The following TMEM45B variants were observed in gnomAD, a reference collection of about 807,000 sequenced individuals.
TMEM45B encodes the protein transmembrane protein 45B.
TMEM45B carries 29 observed loss-of-function variants against 27.3 expected under a neutral mutation model. The ratio of observed to expected loss-of-function variants is 1.06; its 90% confidence interval spans 0.79 to 1.45. TMEM45B has a LOEUF of 1.45. Ranked by LOEUF, TMEM45B falls within the 40% of genes most tolerant of loss-of-function variation. The pLI is 0.00. For missense variants in TMEM45B, 348 were observed against 343.9 expected (o/e 1.01, Z -0.09); for synonymous variants, 143 against 134.7 (o/e 1.06, Z -0.43).
intron 1 of TMEM45B, among the ~76,000 whole-genome samples, chr11:129,849,356 C>T (rs1287829755): frequency 6.6e-6 from 1 of 152,188 alleles, no homozygotes; most frequent in Non-Finnish European, 1.5e-5. Flanking sequence ...TCAAGTGAGT[C>T]CAAAACTCAA....
chr11:129,825,161 G>T (rs1446218565), intron 1 of TMEM45B, among the ~76,000 whole-genome samples: 1 of 152,246 alleles, frequency 6.6e-6, no homozygotes, highest in South Asian at 2.1e-4. Context: ...TAGAGGCCTC[G>T]CAGTGTTTAG....
chr11:129,842,907 A>G (rs1947712666), intron 1 of TMEM45B, among the ~76,000 whole-genome samples: 1 of 152,236 alleles, frequency 6.6e-6, no homozygotes, highest in Non-Finnish European at 1.5e-5. Flanking sequence ...TGCAATAAGG[A>G]GCTAAATCCA....
chr11:129,847,404 G>GTTATTTTATTT (rs1947774592), intron 1 of TMEM45B, among the ~76,000 whole-genome samples: 1 of 147,868 alleles, frequency 6.8e-6, no homozygotes, highest in Non-Finnish European at 1.5e-5. Context: ...AGCTTATGAA[G>GTTATTTTATTT]TTATTTTTTT....
chr11:129,852,613 G>A lies in TMEM45B; in HGVS notation c.131G>A (p.Arg44His), dbSNP rs762538229. The part of the protein sequence containing the change: ...RKNSPLHYYQ[R>H]LEIVEAAIRT... Reference sequence around the variant, plus strand: ...AACAGCCCACTACATTACTATCAGCGTCTCGAGATCGTCGAAGCCGCAATT... The same window carrying A: ...AACAGCCCACTACATTACTATCAGCATCTCGAGATCGTCGAAGCCGCAATT... Residue 44 changes from arginine to histidine, a missense_variant, in exon 2 of 6, where the codon CGT (arginine) becomes CAT (histidine). By Grantham distance (29) the Arg-to-His change is conservative. Coordinates refer to ENST00000281441, the MANE Select transcript of TMEM45B (RefSeq NM_138788.5). The A allele has an allele frequency of 1.9e-5, 30 of 1,612,318 alleles. No homozygotes were observed. The highest frequency in any genetic ancestry group is 1.1e-4 in the East Asian group (5 of 44,838).
intron 1 of TMEM45B, among the ~76,000 whole-genome samples, chr11:129,823,523 G>A (rs73573507): frequency 0.14 from 21,025 of 152,096 alleles, 1,713 homozygotes; most frequent in South Asian, 0.26. Context: ...TGCATAACAG[G>A]TACTTGATAA....
intron 1 of TMEM45B, among the ~76,000 whole-genome samples, chr11:129,820,778 A>G (rs910117567): frequency 7.2e-5 from 11 of 152,322 alleles, no homozygotes; most frequent in Admixed American, 4.6e-4. Flanking sequence ...AAATCAATGT[A>G]TAGTCTTAGA....
chr11:129,837,499 C>G (rs1320100743), intron 1 of TMEM45B, among the ~76,000 whole-genome samples: 1 of 150,510 alleles, frequency 6.6e-6, no homozygotes, highest in Non-Finnish European at 1.5e-5. Context: ...GTTGGCCAGG[C>G]TGGTCTTGAA....
intron 1 of TMEM45B, among the ~76,000 whole-genome samples, chr11:129,830,958 C>A (rs1328027461): frequency 6.6e-5 from 10 of 152,162 alleles, no homozygotes; most frequent in Non-Finnish European, 1.5e-4. Context: ...AGTCATCACC[C>A]TTTATCTGCA....
chr11:129,821,399 T>G (rs1947418220), intron 1 of TMEM45B, among the ~76,000 whole-genome samples: 1 of 152,202 alleles, frequency 6.6e-6, no homozygotes, highest in South Asian at 2.1e-4. Flanking sequence ...CTGTCTGTTG[T>G]GATTTATTTT....
intron 1 of TMEM45B, among the ~76,000 whole-genome samples, chr11:129,821,431 C>CT (rs914945280): frequency 4.0e-5 from 6 of 151,748 alleles, no homozygotes; most frequent in South Asian, 2.1e-4. Context: ...TACACACACA[C>CT]TTTTTTTTTC....
intron 1 of TMEM45B, among the ~76,000 whole-genome samples, chr11:129,828,555 TC>T (rs1181676916): frequency 6.6e-6 from 1 of 152,124 alleles, no homozygotes; most frequent in African/African-American, 2.4e-5. Flanking sequence ...ACTCTCTGCT[TC>T]CCCTGCATTC....
chr11:129,822,934 G>A (rs530127110), intron 1 of TMEM45B, among the ~76,000 whole-genome samples: 17 of 148,636 alleles, frequency 1.1e-4, no homozygotes, highest in Middle Eastern at 3.5e-3. Flanking sequence ...TCCGCCTCCC[G>A]AGTTCAAGCC....
chr11:129,820,892 T>C (rs542248555), intron 1 of TMEM45B, among the ~76,000 whole-genome samples: 9 of 152,262 alleles, frequency 5.9e-5, no homozygotes, highest in African/African-American at 2.2e-4. Flanking sequence ...TATTACCATA[T>C]TCTAAATAGC....
chr11:129,842,956 CAAAT>C (rs1165552321), intron 1 of TMEM45B, among the ~76,000 whole-genome samples: 3 of 152,116 alleles, frequency 2.0e-5, no homozygotes, highest in Non-Finnish European at 4.4e-5. Flanking sequence ...TAGTAAAAAA[CAAAT>C]AACCCTATTA....
At chr11:129,850,070 C>G (rs568367129) in intron 1 of TMEM45B, among the ~76,000 whole-genome samples, 5 of 152,232 alleles carry the variant, frequency 3.3e-5, no homozygotes, top group African/African-American at 1.2e-4. Flanking sequence ...CATGGCTAGG[C>G]TGAGAATTTT....
At chr11:129,838,669 T>C (rs905382939) in intron 1 of TMEM45B, among the ~76,000 whole-genome samples, 2 of 152,170 alleles carry the variant, frequency 1.3e-5, no homozygotes, top group African/African-American at 4.8e-5. Flanking sequence ...CCAAGCTCTC[T>C]GGGATATTTG....
rs749989959 is a variant in TMEM45B at position 129,857,271 on chromosome 11, G to C, written c.571-42G>C. 1.1e-5 allele frequency: 17 copies of C among 1,606,284 alleles called. No individual in the cohort carries two copies. The Admixed American group carries it at 2.8e-4, about 27-fold the overall frequency. ...GGAGAACGGCTAGATTGCTTCTCAG[G>C]ACGACCAACCACAAGACCAACTTCT... On this transcript the variant is annotated intron_variant, in intron 4 of 5. Transcript: ENST00000281441.
intron 1 of TMEM45B, among the ~76,000 whole-genome samples, chr11:129,843,597 T>C (rs1331441643): frequency 7.0e-6 from 1 of 143,388 alleles, no homozygotes; most frequent in Non-Finnish European, 1.5e-5. Context: ...ATAAATTTTC[T>C]GCTTTGAGAA....
intron 1 of TMEM45B, among the ~76,000 whole-genome samples, chr11:129,826,864 T>C (rs970361691): frequency 1.3e-5 from 2 of 151,846 alleles, no homozygotes; most frequent in Non-Finnish European, 2.9e-5. Flanking sequence ...CCCACCACCA[T>C]GCCCGGCTAA....
Sources: allele counts gnomAD v4.1 joint callset (sites outside exome capture counted in the v4.1 genomes callset), GRCh38; gene constraint gnomAD v4.1.1; transcripts MANE v1.5; gene names NCBI Gene and HGNC (gene_info 2026-07-23, HGNC 2026-07-21).